Variants in EP400 observed in about 807,000 individuals in gnomAD.
The protein encoded by EP400 is E1A-binding protein p400.
EP400 carries 105 observed loss-of-function variants against 354.1 expected under a neutral mutation model. That is an observed-to-expected ratio of 0.30 (90% CI 0.25 to 0.35). EP400 has a LOEUF of 0.35. Ranked by LOEUF, EP400 falls within the 10% of genes least tolerant of loss-of-function variation. The pLI is 1.00. For synonymous variants in EP400, 1,646 were observed against 1,716.9 expected (o/e 0.96, Z 1.02); for missense variants, 3,280 against 4,121.0 (o/e 0.80, Z 5.59).
chr12:131,986,428 G>A (rs1399019106), intron 5 of EP400, 86 bp from the exon 6 acceptor site: 9 of 1,390,506 alleles, frequency 6.5e-6, no homozygotes, highest in Middle Eastern at 2.6e-4. Flanking sequence ...CGCGTCTCTG[G>A]TGCTGTGGGC....
At chr12:131,971,469 C>T (rs776620895) in intron 2 of EP400, among the ~76,000 whole-genome samples, 20 of 152,184 alleles carry the variant, frequency 1.3e-4, no homozygotes, top group Non-Finnish European at 2.2e-4. Context: ...CTTCAAGACA[C>T]GGATTTCCTT....
In EP400 at chr12:131,990,960, T is replaced by C. The variant is rs1273621956; in HGVS notation, c.2629+246T>C. Among the ~76,000 whole-genome samples the C allele has an allele frequency of 6.6e-6, 1 of 152,188 alleles. No individual in the cohort carries two copies. The highest frequency in any genetic ancestry group is 1.9e-4 in the East Asian group (1 of 5,196). ...TCTGGGACACAGAACTGGGGTTCAGTCCCTGGACAGTGAGTGAGGAGCTTC... is the reference window on the plus strand; with the variant it reads ...TCTGGGACACAGAACTGGGGTTCAGCCCCTGGACAGTGAGTGAGGAGCTTC... On this transcript the variant is annotated intron_variant, in intron 9 of 52. Transcript: ENST00000389561. The surrounding 1 kb of genome is among the most constrained non-coding windows in gnomAD (Gnocchi z 4.2).
In EP400 at chr12:132,029,896, C is replaced by A; in HGVS notation, c.5577C>A (p.Phe1859Leu). The A allele has an allele frequency of 6.2e-7, 1 of 1,612,244 alleles. No individual in the cohort carries two copies. The highest frequency in any genetic ancestry group is 1.1e-5 in the South Asian group (1 of 91,068). Reference protein sequence around the residue: ...LQFPELRLVQFDSGKLEALAI... With the variant: ...LQFPELRLVQLDSGKLEALAI... ...TCCCTGAGCTGAGGCTGGTGCAGTT[C>A]GACTCAGGTATGCGGCAGTTGGGGG... Residue 1859 changes from phenylalanine to leucine, a missense_variant, in exon 28 of 53, where the codon TTC (phenylalanine) becomes TTA (leucine). Phe to Leu is a conservative substitution (Grantham distance 22, BLOSUM62 0). Transcript: ENST00000389561. The surrounding 1 kb of genome is among the most constrained non-coding windows in gnomAD (Gnocchi z 4.7).
intron 39 of EP400, among the ~76,000 whole-genome samples, chr12:132,048,522 T>C (rs966521739): frequency 2.5e-4 from 38 of 150,240 alleles, no homozygotes; most frequent in African/African-American, 9.0e-4. Context: ...GAGAGTGATT[T>C]TTTTTTTTTT....
chr12:132,074,790 ATTATT>A (rs1304431832), intron 51 of EP400, among the ~76,000 whole-genome samples: 28 of 152,158 alleles, frequency 1.8e-4, no homozygotes, highest in Admixed American at 1.7e-3. Context: ...TTGATGATTT[ATTATT>A]TTATTTTCAG....
In EP400 at chr12:131,982,299, G is replaced by T. The variant is rs577349631; in HGVS notation, c.1750G>T (p.Val584Leu). The part of the protein sequence containing the change: ...ALQFAQQPQV[V>L]EAQTQLQIPV... ...GCAGTTTGCACAGCAGCCGCAAGTG[G>T]TAGAGGCCCAGACACAGCTCCAAAT... The change falls in exon 5 of 53, where the codon GTA (valine) becomes TTA (leucine). Residue 584 changes from valine (V) to leucine (L), a missense_variant. This residue lies in a region of EP400 where 800 missense variants were observed against 840.0 expected (regional missense o/e 0.95). Transcript: ENST00000389561. 7.4e-6 allele frequency: 12 copies of T among 1,614,168 alleles called. No individual in the cohort carries two copies. The Admixed American group carries it at 1.5e-4, about 20-fold the overall frequency.
chr12:131,956,918 C>CTGGAG (rs1305674196), intron 1 of EP400, among the ~76,000 whole-genome samples: 2 of 134,588 alleles, frequency 1.5e-5, no homozygotes, highest in African/African-American at 5.6e-5. Context: ...TTTGCCCAGG[C>CTGGAG]TGGAGTGCAG....
At chr12:132,004,973 C>A in intron 12 of EP400, 104 bp from the exon 13 acceptor site, 2 of 791,800 alleles carry the variant, frequency 2.5e-6, no homozygotes, top group Non-Finnish European at 4.4e-6. Flanking sequence ...GAGAGGGAGC[C>A]CCTTGCCCTT....
At position 131,958,259 on chromosome 12, in the gene EP400, T is replaced by C. The variant is rs188281482; in HGVS notation, c.-35-2326T>C. Reference sequence around the variant, plus strand: ...GCCCCCACCTGGAGCTCCTGTCCCCTGCACCCACTCTGATGGGCTCTCTGC... The same window carrying C: ...GCCCCCACCTGGAGCTCCTGTCCCCCGCACCCACTCTGATGGGCTCTCTGC... On this transcript the variant is annotated intron_variant, in intron 1 of 52. Coordinates refer to ENST00000389561, the MANE Select transcript of EP400 (RefSeq NM_015409.5). Among the ~76,000 whole-genome samples, 1,081 of 152,260 alleles carry C rather than the reference T, an allele frequency of 7.1e-3. 33 individuals carry two copies. The South Asian group carries it at 0.093, about 13-fold the overall frequency.
In EP400 at chr12:132,028,112, G is replaced by C; in HGVS notation, c.5205G>C (p.Leu1735Phe). Reference protein sequence around the residue: ...CSQAPVYGRDLLRICALPSHG... With the variant: ...CSQAPVYGRDFLRICALPSHG... Reference sequence around the variant, plus strand: ...AAGCTCCAGTCTATGGCAGAGACTTGCTAAGGATTTGTGCCCTGCCTAGCC... The same window carrying C: ...AAGCTCCAGTCTATGGCAGAGACTTCCTAAGGATTTGTGCCCTGCCTAGCC... The change falls in exon 27 of 53, where the codon TTG becomes TTC. Residue 1735 changes from leucine to phenylalanine, a missense_variant. Coordinates refer to ENST00000389561, the MANE Select transcript of EP400 (RefSeq NM_015409.5). The C allele has an allele frequency of 6.2e-7, 1 of 1,614,250 alleles. No individual in the cohort carries two copies. The highest frequency in any genetic ancestry group is 1.7e-5 in the Admixed American group (1 of 60,032).
intron 21 of EP400, 53 bp from the exon 22 acceptor site, chr12:132,019,996 C>G: frequency 6.9e-7 from 1 of 1,453,032 alleles, no homozygotes; most frequent in Non-Finnish European, 9.1e-7. Flanking sequence ...GTGGCCTGTC[C>G]TCTCTGTGGT....
intron 2 of EP400, among the ~76,000 whole-genome samples, chr12:131,967,208 C>T (rs951083259): frequency 4.6e-5 from 7 of 151,430 alleles, no homozygotes; most frequent in African/African-American, 9.7e-5. Context: ...TAGTGAAACC[C>T]CGTCTCTACT....
chr12:132,044,760 G>C, intron 36 of EP400, 40 bp from the exon 37 acceptor site: 1 of 1,614,138 alleles, frequency 6.2e-7, no homozygotes. Context: ...GCAGCTTCCT[G>C]TGAGTTCCAC....
Position 132,066,973 on chromosome 12 carries a change from C to T in EP400, c.8749+4C>T. ...GGTCAGCCACAGAAGGCAGCAGGTG[C>T]CCGCCCCAGCACACCCTCCCGTCCT... On this transcript the variant is annotated splice_donor_region_variant and intron_variant, in intron 49 of 52. Coordinates refer to ENST00000389561, the MANE Select transcript of EP400 (RefSeq NM_015409.5). 6.3e-7 allele frequency: 1 copy of T among 1,589,256 alleles called. No individual in the cohort carries two copies. The highest frequency in any genetic ancestry group is 2.3e-5 in the East Asian group (1 of 43,840).
chr12:131,978,963 TC>T lies in EP400; in HGVS notation c.1336-728del, dbSNP rs757314091. 9.8e-5 allele frequency among the ~76,000 whole-genome samples: 15 copies of T among 152,304 alleles called. No individual in the cohort carries two copies. In the East Asian group the frequency reaches 2.3e-3, roughly 23 times the overall value. Reference sequence around the variant, plus strand: ...TGGGTGCGGTGGCTCACACCTGTAATCCCAGCACTTTGGGAGGCCGAGGCAG... The same window carrying T: ...TGGGTGCGGTGGCTCACACCTGTAATCCAGCACTTTGGGAGGCCGAGGCAG... On this transcript the variant is annotated intron_variant, in intron 2 of 52. Coordinates refer to ENST00000389561, the MANE Select transcript of EP400 (RefSeq NM_015409.5).
At chr12:131,968,618 G>A (rs1403546765) in intron 2 of EP400, among the ~76,000 whole-genome samples, 2 of 152,064 alleles carry the variant, frequency 1.3e-5, no homozygotes, top group Non-Finnish European at 2.9e-5. Context: ...CATCTTGCTG[G>A]GATTTTGATT....
chr12:131,957,243 A>G (rs1891733295), intron 1 of EP400, among the ~76,000 whole-genome samples: 1 of 152,028 alleles, frequency 6.6e-6, no homozygotes, highest in Non-Finnish European at 1.5e-5. Context: ...AGTGCTTTTT[A>G]TGGTATTGGT....
intron 1 of EP400, among the ~76,000 whole-genome samples, chr12:131,956,319 T>G (rs897779092): frequency 2.6e-5 from 4 of 152,190 alleles, no homozygotes; most frequent in African/African-American, 9.6e-5. Flanking sequence ...TACGTTTCAG[T>G]GGGTCCTTTT....
intron 50 of EP400, chr12:132,069,192 G>C (rs573804891): frequency 4.1e-5 from 15 of 362,554 alleles, no homozygotes; most frequent in Non-Finnish European, 7.6e-5. Flanking sequence ...GTGTGACAAG[G>C]GTGTCAGGGT....
Sources: allele counts gnomAD v4.1 joint callset (sites outside exome capture counted in the v4.1 genomes callset), GRCh38; gene constraint gnomAD v4.1.1; regional missense constraint gnomAD v4.1.1; non-coding constraint Gnocchi (gnomAD v3.1); transcripts MANE v1.5; gene names NCBI Gene and HGNC (gene_info 2026-07-23, HGNC 2026-07-21).